The following TMEM170B variants were observed in gnomAD, a reference collection of about 807,000 sequenced individuals.
TMEM170B encodes transmembrane protein 170B.
Under a neutral mutation model 13.0 loss-of-function variants are expected in TMEM170B, and 6 were observed. The ratio of observed to expected loss-of-function variants is 0.46; its 90% CI spans 0.25 to 0.91. TMEM170B has a LOEUF of 0.91. TMEM170B is among the 40% of genes least tolerant of loss of function. TMEM170B has a pLI of 0.17. For synonymous variants in TMEM170B, 61 were observed against 64.9 expected, an observed-to-expected ratio of 0.94 and a Z score of 0.29; for missense variants, 138 against 165.2, an observed-to-expected ratio of 0.84 and a Z score of 0.90.
chr6:11,552,997 G>A (rs1759544786), intron 1 of TMEM170B, among the ~76,000 whole-genome samples: 2 of 152,142 alleles, frequency 1.3e-5, no homozygotes, highest in South Asian at 2.1e-4. Flanking sequence ...TTAGAAATTC[G>A]CCATGCCGCC....
chr6:11,538,291 G>A lies in TMEM170B; in HGVS notation c.14G>A (p.Gly5Glu). 1 of 1,431,452 alleles carries A rather than the reference G, an allele frequency of 7.0e-7. No individual in the cohort carries two copies. The highest frequency in any genetic ancestry group is 9.1e-7 in the Non-Finnish European group (1 of 1,093,140). The allele number at this position is 1,431,452 out of a possible 1,614,324, so 88.7% of individuals were successfully genotyped here. A position where few individuals can be genotyped will look rare whatever the true frequency, so the allele number is the denominator to read the frequency against. The change falls in exon 1 of 3, where the codon GGG becomes GAG. Residue 5 changes from glycine (G) to glutamate (E), a missense_variant. Coordinates refer to ENST00000379426, the MANE Select transcript of TMEM170B (RefSeq NM_001100829.3). MKAE[G>E]GDHSMINLSV... ...CCCTCGGGGAAGATGAAGGCGGAGG[G>A]GGGCGACCACTCCATGATCAACCTG...
intron 1 of TMEM170B, 131 bp from the exon 2 acceptor site, chr6:11,565,535 G>A: frequency 2.4e-6 from 2 of 841,700 alleles, no homozygotes; most frequent in Non-Finnish European, 3.8e-6. Flanking sequence ...ACTTGTGTCA[G>A]GCACTGTGTG....
Position 11,579,066 on chromosome 6 carries a change from A to T in TMEM170B, c.*3505A>T, listed in dbSNP as rs1759917879. Reference sequence around the variant, plus strand: ...TACCTTGAGTACACCAAGAGCTAGCAAGATGATTTTTAAATCCTAAAAAGT... The same window carrying T: ...TACCTTGAGTACACCAAGAGCTAGCTAGATGATTTTTAAATCCTAAAAAGT... On this transcript the variant is annotated 3_prime_UTR_variant, in exon 3 of 3. Transcript: ENST00000379426. The T allele has an allele frequency of 6.6e-6, 1 of 152,224 alleles. No individual in the cohort carries two copies. The highest frequency in any genetic ancestry group is 6.5e-5 in the Admixed American group (1 of 15,282). The allele number at this position is 152,224 out of a possible 1,614,324, so 9.4% of individuals were successfully genotyped here.
rs1212197138 is a variant in TMEM170B at position 11,581,623 on chromosome 6, C to T, written c.*6062C>T. 1 of 152,154 alleles carries T rather than the reference C, an allele frequency of 6.6e-6. No individual in the cohort carries two copies. Among genetic ancestry groups the T allele is most frequent in the East Asian group, 1.9e-4 (1 of 5,204 alleles). The allele number at this position is 152,154 out of a possible 1,614,324, so 9.4% of individuals were successfully genotyped here. The stretch of plus-strand genomic sequence containing the variant: ...TCGTCTGAGTCCCATAACTGTAACA[C>T]TTTTTCTCTTATAAATTGGTAGTTC... On this transcript the variant is annotated 3_prime_UTR_variant, in exon 3 of 3. Transcript: ENST00000379426.
At chr6:11,548,003 A>C (rs946719426) in intron 1 of TMEM170B, among the ~76,000 whole-genome samples, 3 of 152,198 alleles carry the variant, frequency 2.0e-5, no homozygotes, top group Admixed American at 6.5e-5. Context: ...CCTAAACAGA[A>C]GAGAGAGGAG....
chr6:11,564,530 G>GA (rs1431579991), intron 1 of TMEM170B, among the ~76,000 whole-genome samples: 3 of 152,194 alleles, frequency 2.0e-5, no homozygotes, highest in Admixed American at 6.5e-5. Flanking sequence ...GATCCTCAAG[G>GA]TGACATCTAA....
chr6:11,571,754 A>G (rs900261764), intron 2 of TMEM170B, among the ~76,000 whole-genome samples: 4 of 152,200 alleles, frequency 2.6e-5, no homozygotes, highest in Non-Finnish European at 5.9e-5. Flanking sequence ...CTGGGGTAAG[A>G]TATTTGTTAA....
At chr6:11,563,626 G>C (rs560344401) in intron 1 of TMEM170B, among the ~76,000 whole-genome samples, 1 of 152,206 alleles carries the variant, frequency 6.6e-6, no homozygotes, top group South Asian at 2.1e-4. Context: ...CTCATAGAAC[G>C]CAAGGAAACA....
intron 2 of TMEM170B, among the ~76,000 whole-genome samples, chr6:11,569,623 C>T (rs936375097): frequency 5.3e-5 from 8 of 152,144 alleles, no homozygotes; most frequent in African/African-American, 1.7e-4. Context: ...AACGTTATTT[C>T]TATTTACAAC....
At chr6:11,542,433 C>T in intron 1 of TMEM170B, among the ~76,000 whole-genome samples, 1 of 152,152 alleles carries the variant, frequency 6.6e-6, no homozygotes, top group African/African-American at 2.4e-5. Flanking sequence ...TTAATACTTG[C>T]CAGTTGCTCA....
chr6:11,570,987 T>C (rs191458396), intron 2 of TMEM170B, among the ~76,000 whole-genome samples: 19 of 152,310 alleles, frequency 1.2e-4, no homozygotes, highest in African/African-American at 3.8e-4. Flanking sequence ...GCCTGCATGC[T>C]GTACAAAATA....
chr6:11,538,459 G>A, intron 1 of TMEM170B, 85 bp downstream of exon 1: 2 of 1,035,276 alleles, frequency 1.9e-6, no homozygotes, highest in Non-Finnish European at 2.7e-6. Flanking sequence ...CACGCTCCTC[G>A]CCGCCCCACC....
intron 2 of TMEM170B, among the ~76,000 whole-genome samples, chr6:11,572,876 C>G (rs906449646): frequency 1.7e-4 from 26 of 151,988 alleles, no homozygotes; most frequent in Non-Finnish European, 1.2e-4. Context: ...TTCTTTGTTA[C>G]CTAAATGATA....
rs1282558268 is a variant in TMEM170B, at chr6:11,555,973, G to A, written c.98-9693G>A. Reference sequence around the variant, plus strand: ...AGATCGAGACCATCCTGGCTAACACGGTGAAACCCCGTCTCTACTAAAAAT... The same window carrying A: ...AGATCGAGACCATCCTGGCTAACACAGTGAAACCCCGTCTCTACTAAAAAT... On this transcript the variant is annotated intron_variant, in intron 1 of 2. Transcript: ENST00000379426. Among the ~76,000 whole-genome samples the A allele has an allele frequency of 7.0e-3, 8 of 1,150 alleles. 4 individuals are homozygous for A. Among genetic ancestry groups the A allele is most frequent in the African/African-American group, 7.3e-3 (8 of 1,098 alleles). 0.8% of individuals were successfully genotyped at this position (1,150 alleles called of 152,430 possible).
In TMEM170B at chr6:11,573,379, AT is replaced by A. The variant is rs560327129; in HGVS notation, c.269-2050del. Among the ~76,000 whole-genome samples the A allele has an allele frequency of 1.7e-3, 258 of 152,256 alleles. 1 individual carries two copies. Among genetic ancestry groups the A allele is most frequent in the African/African-American group, 5.7e-3 (236 of 41,548 alleles). On this transcript the variant is annotated intron_variant, in intron 2 of 2. Transcript: ENST00000379426. ...ATTGAATGGTGAATCACTGATTGGA[AT>A]TATCTTTATCCTTTACTACTATGAC...
At position 11,580,191 on chromosome 6, in the gene TMEM170B, T is replaced by C. The variant is rs1385682477; in HGVS notation, c.*4630T>C. The C allele has an allele frequency of 6.6e-6, 1 of 152,112 alleles. No homozygotes were observed. Among genetic ancestry groups the C allele is most frequent in the East Asian group, 1.9e-4 (1 of 5,190 alleles). 9.4% of individuals were successfully genotyped at this position (152,112 alleles called of 1,614,324 possible). A position where few individuals can be genotyped will look rare whatever the true frequency, so the allele number is the denominator to read the frequency against. The stretch of plus-strand genomic sequence containing the variant: ...CACCATGCCTGGCCAGTTTTGTATT[T>C]TTAGTAGAGACAGATTTCTCTATGT... On this transcript the variant is annotated 3_prime_UTR_variant, in exon 3 of 3. Coordinates refer to ENST00000379426, the MANE Select transcript of TMEM170B (RefSeq NM_001100829.3).
At chr6:11,563,637 C>T (rs1582144394) in intron 1 of TMEM170B, among the ~76,000 whole-genome samples, 1 of 152,142 alleles carries the variant, frequency 6.6e-6, no homozygotes, top group African/African-American at 2.4e-5. Context: ...CAAGGAAACA[C>T]TTCACTGGTT....
intron 2 of TMEM170B, among the ~76,000 whole-genome samples, chr6:11,566,483 A>T (rs1375539090): frequency 1.3e-5 from 2 of 152,236 alleles, no homozygotes; most frequent in African/African-American, 4.8e-5. Flanking sequence ...TATCAGCAGA[A>T]GGTATCCAAG....
chr6:11,575,716 C>T lies in TMEM170B; in HGVS notation c.*155C>T. On this transcript the variant is annotated 3_prime_UTR_variant, in exon 3 of 3. Transcript: ENST00000379426. This position sits in a 1 kb window ranked among gnomAD's most constrained non-coding sequence, Gnocchi z 4.1. Reference sequence around the variant, plus strand: ...CCTTGAGCTGTGTGGAAGGATTGCCCTCTGGTGTTCAAGTGATTGCACTAC... The same window carrying T: ...CCTTGAGCTGTGTGGAAGGATTGCCTTCTGGTGTTCAAGTGATTGCACTAC... 1 of 860,896 alleles carries T rather than the reference C, an allele frequency of 1.2e-6. No homozygotes were observed. The highest frequency in any genetic ancestry group is 2.6e-5 in the Admixed American group (1 of 38,368). The allele number at this position is 860,896 out of a possible 1,614,324, so 53.3% of individuals were successfully genotyped here.
Sources: allele counts gnomAD v4.1 joint callset (sites outside exome capture counted in the v4.1 genomes callset), GRCh38; gene constraint gnomAD v4.1.1; non-coding constraint Gnocchi (gnomAD v3.1); transcripts MANE v1.5; gene names NCBI Gene and HGNC (gene_info 2026-07-23, HGNC 2026-07-21).